The following SLC39A11 variants were observed in gnomAD, a reference collection of about 807,000 sequenced individuals.
SLC39A11 encodes the protein solute carrier family 39 member 11.
SLC39A11 carries 33 observed loss-of-function variants against 36.1 expected under a neutral mutation model. The ratio of observed to expected loss-of-function variants is 0.91; its 90% CI spans 0.69 to 1.22. The LOEUF (loss-of-function observed/expected upper bound fraction) is 1.22. Ranked by LOEUF, SLC39A11 falls within the 50% of genes most tolerant of loss-of-function variation. The pLI is 0.00. For missense variants in SLC39A11, 432 were observed against 430.3 expected, an observed-to-expected ratio of 1.00 and a Z score of -0.03; for synonymous variants, 166 against 170.3, an observed-to-expected ratio of 0.97 and a Z score of 0.20.
intron 4 of SLC39A11, among the ~76,000 whole-genome samples, chr17:73,012,422 G>A (rs368157503): frequency 2.2e-4 from 33 of 152,000 alleles, no homozygotes; most frequent in Admixed American, 3.3e-4. Context: ...CACCTACTAC[G>A]CAGCCACAAA....
At chr17:72,705,891 C>T (rs1262013501) in intron 7 of SLC39A11, among the ~76,000 whole-genome samples, 1 of 152,194 alleles carries the variant, frequency 6.6e-6, no homozygotes, top group Non-Finnish European at 1.5e-5. Context: ...TTTATTAATC[C>T]TGGATCCAGA....
intron 3 of SLC39A11, among the ~76,000 whole-genome samples, chr17:73,055,624 G>A (rs1422998775): frequency 6.6e-6 from 1 of 151,908 alleles, no homozygotes; most frequent in Non-Finnish European, 1.5e-5. Flanking sequence ...AATGAGGGAA[G>A]GCGGGTAGGG....
At chr17:72,665,501 C>A (rs1366062725) in intron 7 of SLC39A11, among the ~76,000 whole-genome samples, 2 of 147,422 alleles carry the variant, frequency 1.4e-5, no homozygotes, top group African/African-American at 2.5e-5. Flanking sequence ...AGCTATCCTC[C>A]CATCTCAGCC....
intron 7 of SLC39A11, among the ~76,000 whole-genome samples, chr17:72,706,496 C>T (rs2072900115): frequency 6.6e-6 from 1 of 152,146 alleles, no homozygotes; most frequent in Admixed American, 6.5e-5. Flanking sequence ...TCAAAGAACA[C>T]TCTGGCAAAG....
intron 7 of SLC39A11, among the ~76,000 whole-genome samples, chr17:72,668,365 C>G (rs1161066362): frequency 1.3e-5 from 2 of 151,798 alleles, no homozygotes; most frequent in African/African-American, 4.8e-5. Flanking sequence ...CTGACGGATG[C>G]CCCAGGAAAT....
At chr17:73,051,705 A>G (rs1403255102) in intron 3 of SLC39A11, among the ~76,000 whole-genome samples, 1 of 148,600 alleles carries the variant, frequency 6.7e-6, no homozygotes, top group Admixed American at 6.8e-5. Context: ...AAAAAATACA[A>G]AAATTAGCCA....
intron 4 of SLC39A11, among the ~76,000 whole-genome samples, chr17:73,001,388 G>A (rs756929265): frequency 1.4e-4 from 17 of 124,128 alleles, no homozygotes; most frequent in Non-Finnish European, 2.5e-4. Context: ...ACAGGAAGGG[G>A]AACATCACAC....
chr17:72,901,460 C>T (rs886915414), intron 5 of SLC39A11, among the ~76,000 whole-genome samples: 1 of 152,296 alleles, frequency 6.6e-6, no homozygotes, highest in Non-Finnish European at 1.5e-5. Flanking sequence ...TGTCTCCGTA[C>T]ATAAGAAGTA....
intron 7 of SLC39A11, among the ~76,000 whole-genome samples, chr17:72,692,980 T>A (rs1209830483): frequency 2.0e-5 from 3 of 152,200 alleles, no homozygotes; most frequent in African/African-American, 4.8e-5. Flanking sequence ...ATACACAATT[T>A]GGATACACCC....
intron 3 of SLC39A11, among the ~76,000 whole-genome samples, chr17:73,083,046 C>T (rs2060599361): frequency 6.8e-6 from 1 of 146,152 alleles, no homozygotes; most frequent in Admixed American, 6.9e-5. Flanking sequence ...TGGACTTATG[C>T]CCAGTGATTA....
intron 6 of SLC39A11, among the ~76,000 whole-genome samples, chr17:72,811,618 G>A (rs1418578463): frequency 6.6e-6 from 1 of 152,178 alleles, no homozygotes; most frequent in Non-Finnish European, 1.5e-5. Flanking sequence ...TGTGCTCTTT[G>A]AGGAGTCACA....
intron 4 of SLC39A11, among the ~76,000 whole-genome samples, chr17:72,994,936 C>G (rs150314807): frequency 2.8e-4 from 42 of 152,286 alleles, no homozygotes; most frequent in African/African-American, 1.0e-3. Context: ...TAGTTTCCAC[C>G]TGGATACAGA....
chr17:73,071,917 G>T (rs2060173403), intron 3 of SLC39A11, among the ~76,000 whole-genome samples: 1 of 152,066 alleles, frequency 6.6e-6, no homozygotes, highest in Non-Finnish European at 1.5e-5. Context: ...TCAAACCCCT[G>T]GCACTCGGCA....
intron 4 of SLC39A11, among the ~76,000 whole-genome samples, chr17:72,995,805 C>T (rs2089471163): frequency 6.6e-6 from 1 of 152,208 alleles, no homozygotes; most frequent in African/African-American, 2.4e-5. Flanking sequence ...TCACAGACAA[C>T]AGATCTCAGC....
At chr17:73,089,270 G>A (rs1266627494) in intron 1 of SLC39A11, among the ~76,000 whole-genome samples, 4 of 151,904 alleles carry the variant, frequency 2.6e-5, no homozygotes, top group Non-Finnish European at 4.4e-5. Flanking sequence ...CCAGCCAAAG[G>A]GTAAACTCCA....
intron 7 of SLC39A11, among the ~76,000 whole-genome samples, chr17:72,728,189 G>A (rs1044200715): frequency 3.3e-5 from 5 of 152,224 alleles, no homozygotes; most frequent in Non-Finnish European, 5.9e-5. Flanking sequence ...GCTCACGCCT[G>A]TAATCCCAGC....
rs2090646920 is a variant in SLC39A11 at position 73,013,649 on chromosome 17, A to G, written c.306+17907T>C. Among the ~76,000 whole-genome samples the G allele has an allele frequency of 2.0e-5, 3 of 151,544 alleles. No individual in the cohort carries two copies. In the Admixed American group the frequency reaches 2.0e-4, roughly 10 times the overall value. On this transcript the variant is annotated intron_variant, in intron 4 of 9. Coordinates refer to ENST00000255559, the MANE Select transcript of SLC39A11 (RefSeq NM_139177.4). The stretch of plus-strand genomic sequence containing the variant: ...CCAGGACGGCTTTGAATGTAACACA[A>G]TAAAAATTCATAAACTTTCTTAAAA...
At chr17:72,729,119 G>C (rs1167529579) in intron 7 of SLC39A11, among the ~76,000 whole-genome samples, 2 of 152,018 alleles carry the variant, frequency 1.3e-5, no homozygotes, top group Non-Finnish European at 2.9e-5. Context: ...TTAGCCAGAT[G>C]CATGTTTGAG....
intron 5 of SLC39A11, among the ~76,000 whole-genome samples, chr17:72,927,700 T>C (rs115120895): frequency 0.014 from 2,070 of 152,220 alleles, 40 homozygotes; most frequent in African/African-American, 0.045. Context: ...CATTTTCCCA[T>C]AGAATTTCAG....
Sources: allele counts gnomAD v4.1 joint callset (sites outside exome capture counted in the v4.1 genomes callset), GRCh38; gene constraint gnomAD v4.1.1; transcripts MANE v1.5; gene names NCBI Gene and HGNC (gene_info 2026-07-23, HGNC 2026-07-21).